Variants in ACTN2 observed in about 807,000 individuals in gnomAD.
ACTN2 encodes alpha-actinin-2.
A neutral mutation model predicts 113.8 loss-of-function variants in ACTN2; 39 were observed. The ratio of observed to expected loss-of-function variants is 0.34; its 90% confidence interval spans 0.27 to 0.45. ACTN2 has a LOEUF of 0.45. Ranked by LOEUF, ACTN2 falls within the 20% of genes least tolerant of loss-of-function variation. The pLI is 1.00. For synonymous variants in ACTN2, 429 were observed against 444.1 expected (o/e 0.97, Z 0.43); for missense variants, 992 against 1,177.9 (o/e 0.84, Z 2.31).
chr1:236,706,978 G>A (rs1199809590), intron 1 of ACTN2, among the ~76,000 whole-genome samples: 1 of 152,172 alleles, frequency 6.6e-6, no homozygotes, highest in African/African-American at 2.4e-5. Context: ...AGCCTGGGAA[G>A]CCGGTTGTGG....
chr1:236,734,785 A>G (rs549864407), intron 7 of ACTN2, among the ~76,000 whole-genome samples: 100 of 152,274 alleles, frequency 6.6e-4, no homozygotes, highest in Non-Finnish European at 1.0e-3. Flanking sequence ...TGCAAACCCA[A>G]TGACTAGGTT....
chr1:236,690,694 G>A (rs560222535), intron 1 of ACTN2, among the ~76,000 whole-genome samples: 2 of 152,232 alleles, frequency 1.3e-5, no homozygotes, highest in East Asian at 3.9e-4. Flanking sequence ...AGACTTGTGA[G>A]GGACTTGTGA....
intron 1 of ACTN2, among the ~76,000 whole-genome samples, chr1:236,689,560 G>T (rs962506147): frequency 6.6e-6 from 1 of 151,658 alleles, no homozygotes; most frequent in Non-Finnish European, 1.5e-5. Flanking sequence ...GGGTCTCACT[G>T]TGTTGCCCAG....
rs761271518 is a variant in ACTN2, at chr1:236,757,478, C to T, written c.2155-8C>T. Reference sequence around the variant, plus strand: ...TTAGAACTGATCTTTCCCCTTTTCCCTCAATAGCACATTCGTGTTGGATGG... The same window carrying T: ...TTAGAACTGATCTTTCCCCTTTTCCTTCAATAGCACATTCGTGTTGGATGG... On this transcript the variant is annotated splice_region_variant and splice_polypyrimidine_tract_variant and intron_variant, in intron 17 of 20. Transcript: ENST00000366578. 2.5e-6 allele frequency: 4 copies of T among 1,614,104 alleles called. No homozygotes were observed. In the South Asian group the frequency reaches 4.4e-5, roughly 18 times the overall value.
chr1:236,725,042 T>G (rs565781791), intron 4 of ACTN2, among the ~76,000 whole-genome samples: 1 of 152,270 alleles, frequency 6.6e-6, no homozygotes, highest in Admixed American at 6.5e-5. Flanking sequence ...CACAGTTTAT[T>G]TTTTCATGTG....
intron 12 of ACTN2, among the ~76,000 whole-genome samples, chr1:236,746,435 C>T (rs1174335358): frequency 1.3e-5 from 2 of 152,060 alleles, no homozygotes; most frequent in Non-Finnish European, 2.9e-5. Flanking sequence ...AGGTTGGGTG[C>T]AGTGGCTTAT....
rs368107695 is a variant in ACTN2, at chr1:236,747,790, C to T, written c.1515+15C>T. The stretch of plus-strand genomic sequence containing the variant: ...AAGCCCTAGAGGTGAAGTATTGAAG[C>T]CACTTGTTGACATGAAATCTTTTAA... On this transcript the variant is annotated intron_variant, in intron 13 of 20. Coordinates refer to ENST00000366578, the MANE Select transcript of ACTN2 (RefSeq NM_001103.4). 2.7e-4 allele frequency: 417 copies of T among 1,571,106 alleles called. No individual in the cohort carries two copies. In the African/African-American group the frequency reaches 5.2e-3, roughly 20 times the overall value.
intron 8 of ACTN2, among the ~76,000 whole-genome samples, chr1:236,736,181 G>A (rs763228480): frequency 2.9e-4 from 44 of 152,244 alleles, no homozygotes; most frequent in Non-Finnish European, 1.3e-4. Context: ...GGATAACAGA[G>A]TTGGAACCTC....
At position 236,755,748 on chromosome 1, in the gene ACTN2, G is replaced by A. The variant is rs368500168; in HGVS notation, c.2154+550G>A. On this transcript the variant is annotated intron_variant, in intron 17 of 20. Coordinates refer to ENST00000366578, the MANE Select transcript of ACTN2 (RefSeq NM_001103.4). ...ATAGAGTATATACTGCAGAGTGCCC[G>A]CTGCCACTGTTAGAACCCTGGTAAT... Among the ~76,000 whole-genome samples, 177 of 62,648 alleles carry A rather than the reference G, an allele frequency of 2.8e-3. 12 individuals carry two copies. The highest frequency in any genetic ancestry group is 7.7e-3 in the African/African-American group (140 of 18,210). The allele number at this position is 62,648 out of a possible 152,430, so 41.1% of individuals were successfully genotyped here. A position where few individuals can be genotyped will look rare whatever the true frequency, so the allele number is the denominator to read the frequency against.
intron 1 of ACTN2, among the ~76,000 whole-genome samples, chr1:236,697,749 C>T (rs112073848): frequency 0.014 from 2,051 of 149,176 alleles, 79 homozygotes; most frequent in Admixed American, 0.082. Context: ...TTTTAGCTCA[C>T]GAAACAAGTT....
At chr1:236,752,653 G>A (rs1031428053) in intron 15 of ACTN2, among the ~76,000 whole-genome samples, 3 of 152,098 alleles carry the variant, frequency 2.0e-5, no homozygotes, top group African/African-American at 2.4e-5. Flanking sequence ...GTGGGTTCAA[G>A]TGATTTTCCT....
At chr1:236,696,031 G>T (rs1035493649) in intron 1 of ACTN2, among the ~76,000 whole-genome samples, 14 of 152,174 alleles carry the variant, frequency 9.2e-5, no homozygotes, top group Non-Finnish European at 1.9e-4. Context: ...TTGGGGCCAG[G>T]CGCAGAGGCT....
At chr1:236,711,524 A>G (rs549509924) in intron 1 of ACTN2, among the ~76,000 whole-genome samples, 3 of 152,098 alleles carry the variant, frequency 2.0e-5, no homozygotes, top group African/African-American at 7.2e-5. Context: ...AAGTTTTTAT[A>G]TTTTTAGTAG....
At chr1:236,704,208 A>G (rs1558225122) in intron 1 of ACTN2, among the ~76,000 whole-genome samples, 2 of 152,196 alleles carry the variant, frequency 1.3e-5, no homozygotes, top group South Asian at 2.1e-4. Flanking sequence ...TCTGTGTATC[A>G]TTCCTGTGTA....
intron 4 of ACTN2, among the ~76,000 whole-genome samples, chr1:236,725,662 G>A (rs1658527025): frequency 1.3e-5 from 2 of 152,062 alleles, no homozygotes; most frequent in African/African-American, 4.8e-5. Context: ...ATTTAAAAAG[G>A]GGCGAGTCAC....
chr1:236,748,419 A>C (rs7553165), intron 13 of ACTN2, among the ~76,000 whole-genome samples: 5,490 of 152,264 alleles, frequency 0.036, 312 homozygotes, highest in African/African-American at 0.12. Context: ...AGAGATGTCA[A>C]GAGAAAGACC....
intron 1 of ACTN2, among the ~76,000 whole-genome samples, chr1:236,704,705 G>T (rs1021010185): frequency 6.6e-6 from 1 of 152,170 alleles, no homozygotes; most frequent in African/African-American, 2.4e-5. Flanking sequence ...TAGCTTCTAT[G>T]CCCTCCCCAG....
chr1:236,696,666 ATTTTTTTTT>A (rs34828949), intron 1 of ACTN2, among the ~76,000 whole-genome samples: 1 of 129,968 alleles, frequency 7.7e-6, no homozygotes, highest in African/African-American at 2.8e-5. Flanking sequence ...TTGTCCCACT[ATTTTTTTTT>A]TTTTTTTTTG....
At chr1:236,711,839 T>G (rs1658036704) in intron 1 of ACTN2, among the ~76,000 whole-genome samples, 2 of 152,182 alleles carry the variant, frequency 1.3e-5, no homozygotes, top group African/African-American at 2.4e-5. Context: ...AGAGGAGGCT[T>G]TAAGTTGAAA....
Sources: gnomAD v4.1 joint callset for allele counts (sites outside exome capture counted in the v4.1 genomes callset) on GRCh38, gnomAD v4.1.1 for gene constraint, MANE v1.5 for transcripts, NCBI Gene and HGNC (gene_info 2026-07-23, HGNC 2026-07-21) for gene names.